BRAF: variants seen among roughly 807,000 people sequenced by gnomAD.
The protein encoded by BRAF is B-Raf proto-oncogene, serine/threonine kinase.
Under a neutral mutation model 104.6 loss-of-function variants are expected in BRAF, and 16 were observed. That is an observed-to-expected ratio of 0.15 (90% CI 0.10 to 0.23). The LOEUF is 0.23. Ranked by LOEUF, BRAF falls within the 10% of genes least tolerant of loss-of-function variation. The pLI, the probability that BRAF is intolerant of heterozygous loss-of-function variation, is 1.00. For synonymous variants in BRAF, 310 were observed against 341.6 expected, an observed-to-expected ratio of 0.91 and a Z score of 1.02; for missense variants, 541 against 937.3, an observed-to-expected ratio of 0.58 and a Z score of 5.52.
intron 1 of BRAF, among the ~76,000 whole-genome samples, chr7:140,854,137 T>G (rs1299909475): frequency 6.6e-6 from 1 of 152,110 alleles, no homozygotes; most frequent in Non-Finnish European, 1.5e-5. Context: ...ACCTGGCTAA[T>G]TTTTGTATTT....
chr7:140,761,040 G>A (rs1429372840), intron 14 of BRAF, among the ~76,000 whole-genome samples: 1 of 151,990 alleles, frequency 6.6e-6, no homozygotes, highest in Non-Finnish European at 1.5e-5. Context: ...TACAGAGAAC[G>A]CCACAAAGAT....
At chr7:140,890,718 C>G (rs1338751505) in intron 1 of BRAF, among the ~76,000 whole-genome samples, 1 of 152,216 alleles carries the variant, frequency 6.6e-6, no homozygotes, top group Non-Finnish European at 1.5e-5. Context: ...GGGCCCCAGG[C>G]ATCTGTACCT....
At chr7:140,736,284 G>C (rs1796422583) in intron 18 of BRAF, among the ~76,000 whole-genome samples, 1 of 151,692 alleles carries the variant, frequency 6.6e-6, no homozygotes, top group Non-Finnish European at 1.5e-5. Context: ...GCCCAGGCTG[G>C]TCTCGAACTC....
intron 1 of BRAF, among the ~76,000 whole-genome samples, chr7:140,876,950 T>C (rs1208974043): frequency 6.6e-6 from 1 of 152,080 alleles, no homozygotes; most frequent in Non-Finnish European, 1.5e-5. Context: ...TCTCTGACCA[T>C]AATAGAATTA....
At chr7:140,736,284 G>T (rs1796422583) in intron 18 of BRAF, among the ~76,000 whole-genome samples, 1 of 151,692 alleles carries the variant, frequency 6.6e-6, no homozygotes, top group Non-Finnish European at 1.5e-5. Flanking sequence ...GCCCAGGCTG[G>T]TCTCGAACTC....
chr7:140,800,298 C>A (rs1164124844), intron 7 of BRAF, 64 bp downstream of exon 7: 4 of 1,610,616 alleles, frequency 2.5e-6, no homozygotes, highest in Non-Finnish European at 3.4e-6. Context: ...TTCTAATTAA[C>A]CAGGAGATCC....
At chr7:140,774,691 AT>A in intron 14 of BRAF, among the ~76,000 whole-genome samples, 1 of 152,072 alleles carries the variant, frequency 6.6e-6, no homozygotes, top group South Asian at 2.1e-4. Context: ...TAAATTTTTT[AT>A]TTTTTACAGA....
chr7:140,847,330 C>T (rs1387498263), intron 2 of BRAF, among the ~76,000 whole-genome samples: 1 of 152,104 alleles, frequency 6.6e-6, no homozygotes, highest in Non-Finnish European at 1.5e-5. Context: ...CGCCTGTAAT[C>T]CCAGCACTGT....
chr7:140,868,905 TGATAA>T lies in BRAF; in HGVS notation c.139-18698_139-18694del, dbSNP rs1811260119. Among the ~76,000 whole-genome samples the T allele has an allele frequency of 3.9e-5, 6 of 152,216 alleles. No individual in the cohort carries two copies. In the Middle Eastern group the frequency reaches 0.01, roughly 259 times the overall value. On this transcript the variant is annotated intron_variant, in intron 1 of 19. Coordinates refer to ENST00000644969, the MANE Select transcript of BRAF (RefSeq NM_001374258.1). ...TTTATCAGACTGATAGTGGAAGAGA[TGATAA>T]GATGTGTCAGATGCTAAATATATTA...
chr7:140,822,911 CTCCTGGGCACAAGTGA>C (rs1436609693), intron 3 of BRAF, among the ~76,000 whole-genome samples: 3 of 152,164 alleles, frequency 2.0e-5, no homozygotes, highest in African/African-American at 7.2e-5. Flanking sequence ...TAGCTTTTAA[CTCCTGGGCACAAGTGA>C]TCCTCCTGCT....
At chr7:140,865,058 T>C (rs1013836150) in intron 1 of BRAF, among the ~76,000 whole-genome samples, 25 of 151,788 alleles carry the variant, frequency 1.6e-4, no homozygotes, top group Admixed American at 1.6e-3. Context: ...TGTGAGAGGT[T>C]TGCAATGAGT....
chr7:140,792,234 CATT>C lies in BRAF; in HGVS notation c.1140+2071_1140+2073del, dbSNP rs961605222. Reference sequence around the variant, plus strand: ...CTTGTCTGAAATACTGTAAAAACCACATTATTGACAGTCCTGCCTCTATGTGTT... The same window carrying C: ...CTTGTCTGAAATACTGTAAAAACCACATTGACAGTCCTGCCTCTATGTGTT... On this transcript the variant is annotated intron_variant, in intron 8 of 19. Transcript: ENST00000644969. 5.3e-5 allele frequency among the ~76,000 whole-genome samples: 8 copies of C among 152,290 alleles called. No individual in the cohort carries two copies. In the South Asian group the frequency reaches 1.4e-3, roughly 28 times the overall value.
chr7:140,775,860 G>A (rs2129017440), intron 14 of BRAF, among the ~76,000 whole-genome samples: 1 of 152,306 alleles, frequency 6.6e-6, no homozygotes, highest in East Asian at 1.9e-4. Context: ...ATAGTTGGAA[G>A]ATCTAAGAGC....
rs149906824 is a variant in BRAF, at chr7:140,908,369, A to G, written c.138+16197T>C. 3.0e-3 allele frequency among the ~76,000 whole-genome samples: 461 copies of G among 152,090 alleles called. 2 individuals carry two copies. Among genetic ancestry groups the G allele is most frequent in the African/African-American group, 9.6e-3 (398 of 41,484 alleles). ...AATTTTTTTATTTTTACTATGTTTG[A>G]TTACTTGTGACAATGTACTGTTCAT... On this transcript the variant is annotated intron_variant, in intron 1 of 19. Coordinates refer to ENST00000644969, the MANE Select transcript of BRAF (RefSeq NM_001374258.1).
At chr7:140,833,714 T>C (rs896712013) in intron 3 of BRAF, among the ~76,000 whole-genome samples, 2 of 152,210 alleles carry the variant, frequency 1.3e-5, no homozygotes, top group African/African-American at 4.8e-5. Flanking sequence ...TTTTATTTTA[T>C]TACTTTTTAT....
chr7:140,721,806 A>G lies in BRAF; in HGVS notation c.*4688T>C. 7.1e-7 allele frequency: 1 copy of G among 1,400,946 alleles called. No homozygotes were observed. The highest frequency in any genetic ancestry group is 9.3e-7 in the Non-Finnish European group (1 of 1,079,184). 86.8% of individuals were successfully genotyped at this position (1,400,946 alleles called of 1,614,324 possible). A position where few individuals can be genotyped will look rare whatever the true frequency, so the allele number is the denominator to read the frequency against. On this transcript the variant is annotated 3_prime_UTR_variant, in exon 20 of 20. Coordinates refer to ENST00000644969, the MANE Select transcript of BRAF (RefSeq NM_001374258.1). ...ATGTTTTCTTTTACATCCAATGGCC[A>G]GGTCATAAAGGATGCCTTGAGACCT...
chr7:140,775,008 T>C (rs1455605542), intron 14 of BRAF, among the ~76,000 whole-genome samples: 2 of 151,752 alleles, frequency 1.3e-5, no homozygotes, highest in Non-Finnish European at 2.9e-5. Context: ...TGCATTCTAG[T>C]GGGGATAAAA....
At chr7:140,872,200 A>C (rs900477238) in intron 1 of BRAF, among the ~76,000 whole-genome samples, 3 of 142,376 alleles carry the variant, frequency 2.1e-5, no homozygotes, top group Non-Finnish European at 4.5e-5. Flanking sequence ...GGGCAACAAG[A>C]GTGAAACTCC....
intron 10 of BRAF, chr7:140,785,627 A>T (rs888896854): frequency 1.8e-5 from 7 of 398,204 alleles, no homozygotes; most frequent in African/African-American, 1.4e-4. Context: ...AGGCACAAAC[A>T]GCATCTGTAG....
Sources: gnomAD v4.1 joint callset for allele counts (sites outside exome capture counted in the v4.1 genomes callset) on GRCh38, gnomAD v4.1.1 for gene constraint, MANE v1.5 for transcripts, NCBI Gene and HGNC (gene_info 2026-07-23, HGNC 2026-07-21) for gene names.